CADPS: variants seen among roughly 807,000 people sequenced by gnomAD.
The protein encoded by CADPS is calcium dependent secretion activator, also known as calcium-dependent secretion activator 1.
CADPS carries 57 observed loss-of-function variants against 167.3 expected under a neutral mutation model. The ratio of observed to expected loss-of-function variants is 0.34; its 90% CI spans 0.28 to 0.42. The LOEUF (loss-of-function observed/expected upper bound fraction) is 0.42, where lower values mean the gene tolerates loss of function less well. CADPS is among the 20% of genes least tolerant of loss of function. The pLI, the probability that CADPS is intolerant of heterozygous loss-of-function variation, is 1.00. For missense variants in CADPS, 1,414 were observed against 1,738.1 expected (o/e 0.81, Z 3.32); for synonymous variants, 676 against 635.3 (o/e 1.06, Z -0.96).
rs2060965126 is a variant in CADPS at position 62,474,153 on chromosome 3, A to ATTTTTGTTTTTT, written c.3477+19_3477+20insAAAAAACAAAAA. 1.7e-6 allele frequency: 1 copy of ATTTTTGTTTTTT among 576,520 alleles called. No homozygotes were observed. Among genetic ancestry groups the ATTTTTGTTTTTT allele is most frequent in the African/African-American group, 3.5e-5 (1 of 28,598 alleles). 35.7% of individuals were successfully genotyped at this position (576,520 alleles called of 1,614,324 possible). A position where few individuals can be genotyped will look rare whatever the true frequency, so the allele number is the denominator to read the frequency against. ...AATGAAGAGGGAAAAAAAAATCTGT[A>ATTTTTGTTTTTT]TTTTTTTTTTTTTTTTTACCTCTTG... On this transcript the variant is annotated intron_variant, in intron 24 of 29. Coordinates refer to ENST00000383710, the MANE Select transcript of CADPS (RefSeq NM_003716.4).
intron 18 of CADPS, among the ~76,000 whole-genome samples, chr3:62,494,562 C>A (rs2151158204): frequency 6.6e-6 from 1 of 152,130 alleles, no homozygotes; most frequent in South Asian, 2.1e-4. Flanking sequence ...TATAATTTGC[C>A]CTAGAATGAC....
At chr3:62,845,563 T>C (rs767778820) in intron 1 of CADPS, among the ~76,000 whole-genome samples, 19 of 152,210 alleles carry the variant, frequency 1.2e-4, no homozygotes, top group African/African-American at 1.9e-4. Context: ...ATCATAATTA[T>C]AGAGGGGATT....
At chr3:62,609,476 T>C (rs1452359156) in intron 6 of CADPS, among the ~76,000 whole-genome samples, 2 of 152,194 alleles carry the variant, frequency 1.3e-5, no homozygotes, top group Non-Finnish European at 2.9e-5. Flanking sequence ...AAGCCAGGCA[T>C]AGCCAGTGGG....
chr3:62,639,013 G>A (rs939553398), intron 6 of CADPS, among the ~76,000 whole-genome samples: 3 of 151,146 alleles, frequency 2.0e-5, no homozygotes, highest in African/African-American at 7.3e-5. Flanking sequence ...CTATCCTACT[G>A]TCTGTTGTCC....
intron 1 of CADPS, among the ~76,000 whole-genome samples, chr3:62,848,591 G>A (rs2153086223): frequency 7.3e-6 from 1 of 137,390 alleles, no homozygotes; most frequent in African/African-American, 2.7e-5. Flanking sequence ...GATAGTTGTA[G>A]GTATGCAGCG....
rs1288375045 is a variant in CADPS at position 62,412,319 on chromosome 3, A to T, written c.3778-9134T>A. 2.0e-5 allele frequency among the ~76,000 whole-genome samples: 1 copy of T among 49,804 alleles called. No homozygotes were observed. The highest frequency in any genetic ancestry group is 1.9e-4 in the Admixed American group (1 of 5,400). The allele number at this position is 49,804 out of a possible 152,430, so 32.7% of individuals were successfully genotyped here. A position where few individuals can be genotyped will look rare whatever the true frequency, so the allele number is the denominator to read the frequency against. ...GGAGGAGTCTGAGACAACGTGCTAC[A>T]ACCAGTTTCAGAGACTATGGCTTTC... On this transcript the variant is annotated intron_variant, in intron 28 of 29. Coordinates refer to ENST00000383710, the MANE Select transcript of CADPS (RefSeq NM_003716.4). The surrounding 1 kb of genome is among the most constrained non-coding windows in gnomAD (Gnocchi z 4.1).
chr3:62,796,907 T>G (rs1324997005), intron 1 of CADPS, among the ~76,000 whole-genome samples: 3 of 152,318 alleles, frequency 2.0e-5, no homozygotes, highest in African/African-American at 7.2e-5. Flanking sequence ...TTCCCATAAT[T>G]TAGTATTTAG....
intron 11 of CADPS, among the ~76,000 whole-genome samples, chr3:62,549,673 T>G (rs1219293055): frequency 6.6e-6 from 1 of 152,174 alleles, no homozygotes; most frequent in African/African-American, 2.4e-5. Context: ...AAAATCCACC[T>G]AAAATACACT....
At chr3:62,869,278 C>G (rs1223285177) in intron 1 of CADPS, among the ~76,000 whole-genome samples, 1 of 152,088 alleles carries the variant, frequency 6.6e-6, no homozygotes, top group East Asian at 1.9e-4. Context: ...CCTCCTAGAT[C>G]CAGCCATTCC....
At position 62,690,734 on chromosome 3, in the gene CADPS, G is replaced by A. The variant is rs539963599; in HGVS notation, c.889-28340C>T. Among the ~76,000 whole-genome samples, 27 of 151,862 alleles carry A rather than the reference G, an allele frequency of 1.8e-4. No homozygotes were observed. The East Asian group carries it at 2.7e-3, about 15-fold the overall frequency. On this transcript the variant is annotated intron_variant, in intron 3 of 29. Transcript: ENST00000383710. The stretch of plus-strand genomic sequence containing the variant: ...GAGTCTAACAGAGGGGTGAGGGAGA[G>A]AACCCACCTGCCTACTCACAGAATT...
At chr3:62,643,513 T>C (rs1406022332) in intron 6 of CADPS, among the ~76,000 whole-genome samples, 2 of 152,232 alleles carry the variant, frequency 1.3e-5, no homozygotes, top group Non-Finnish European at 2.9e-5. Flanking sequence ...TGAGTAAGTA[T>C]GTGTATAAAA....
At chr3:62,801,239 T>C (rs999249045) in intron 1 of CADPS, among the ~76,000 whole-genome samples, 1 of 152,164 alleles carries the variant, frequency 6.6e-6, no homozygotes, top group African/African-American at 2.4e-5. Context: ...ATAAATGCCA[T>C]TGATGCAAGA....
intron 3 of CADPS, among the ~76,000 whole-genome samples, chr3:62,685,442 T>C (rs2077830189): frequency 6.6e-6 from 1 of 151,930 alleles, no homozygotes; most frequent in Non-Finnish European, 1.5e-5. Flanking sequence ...ATAATGTTAA[T>C]GTTTAGAAGA....
intron 6 of CADPS, among the ~76,000 whole-genome samples, chr3:62,635,016 C>G (rs1484473037): frequency 6.6e-6 from 1 of 152,162 alleles, no homozygotes; most frequent in Non-Finnish European, 1.5e-5. Flanking sequence ...GCATTGGACG[C>G]TTGGTTCTGA....
At chr3:62,539,554 G>T (rs975043460) in intron 11 of CADPS, among the ~76,000 whole-genome samples, 3 of 151,960 alleles carry the variant, frequency 2.0e-5, no homozygotes, top group African/African-American at 7.3e-5. Context: ...GAGTAAGCCA[G>T]GAGTGCTGTT....
At chr3:62,534,216 T>G (rs1243112899) in intron 12 of CADPS, among the ~76,000 whole-genome samples, 2 of 152,206 alleles carry the variant, frequency 1.3e-5, no homozygotes, top group African/African-American at 2.4e-5. Context: ...AACTTAATTT[T>G]ACTTTGAGGG....
intron 1 of CADPS, among the ~76,000 whole-genome samples, chr3:62,793,850 A>C (rs2093166594): frequency 6.6e-6 from 1 of 152,214 alleles, no homozygotes; most frequent in African/African-American, 2.4e-5. Context: ...TATAAATTAC[A>C]GATAACACTG....
At chr3:62,591,543 G>A (rs1346645104) in intron 7 of CADPS, among the ~76,000 whole-genome samples, 3 of 152,276 alleles carry the variant, frequency 2.0e-5, no homozygotes, top group Admixed American at 6.5e-5. Context: ...TATAGTAGGC[G>A]GGGAGGAATG....
At chr3:62,578,179 T>G (rs2082668896) in intron 8 of CADPS, among the ~76,000 whole-genome samples, 2 of 119,350 alleles carry the variant, frequency 1.7e-5, no homozygotes, top group Non-Finnish European at 1.7e-5. Context: ...AGATTTACCA[T>G]GCTAACACTT....
Sources: allele counts gnomAD v4.1 joint callset (sites outside exome capture counted in the v4.1 genomes callset), GRCh38; gene constraint gnomAD v4.1.1; non-coding constraint Gnocchi (gnomAD v3.1); transcripts MANE v1.5; gene names NCBI Gene and HGNC (gene_info 2026-07-23, HGNC 2026-07-21).